Variants in DYSF observed in about 807,000 individuals in gnomAD.
DYSF encodes the protein dysferlin.
In DYSF, 212 loss-of-function variants were observed where a neutral mutation model predicts 274.9. The ratio of observed to expected loss-of-function variants is 0.77; its 90% confidence interval spans 0.69 to 0.86. The LOEUF is 0.86. Ranked by LOEUF, DYSF falls within the 40% of genes least tolerant of loss-of-function variation. The probability of loss-of-function intolerance (pLI) is 0.00; values close to 1 mark genes in which losing one functional copy is unlikely to be tolerated. For missense variants in DYSF, 2,666 were observed against 2,783.2 expected (o/e 0.96, Z 0.95); for synonymous variants, 1,091 against 1,078.7 (o/e 1.01, Z -0.22).
chr2:71,679,448 C>T (rs2095268898), intron 53 of DYSF, among the ~76,000 whole-genome samples: 1 of 152,008 alleles, frequency 6.6e-6, no homozygotes, highest in East Asian at 1.9e-4. Flanking sequence ...GGCTCACATC[C>T]CAGGGGAAGC....
In DYSF at chr2:71,651,252, G is replaced by T. The variant is rs564955452; in HGVS notation, c.4627-4910G>T. Among the ~76,000 whole-genome samples the T allele has an allele frequency of 5.4e-4, 82 of 152,120 alleles. 2 individuals are homozygous for T. In the South Asian group the frequency reaches 0.017, roughly 32 times the overall value. ...TGAATTGAAAAAAATCAAATAATTG[G>T]CACTTTGATTGGAATGAATCAACTA... On this transcript the variant is annotated intron_variant, in intron 42 of 55. Transcript: ENST00000410020.
upstream of DYSF, among the ~76,000 whole-genome samples, chr2:71,464,686 G>A (rs186956243): frequency 8.1e-4 from 123 of 152,292 alleles, no homozygotes; most frequent in African/African-American, 2.8e-3. Context: ...GGGCTTTCAA[G>A]GTCACGTAAG....
At chr2:71,646,939 G>T (rs925321218) in intron 42 of DYSF, among the ~76,000 whole-genome samples, 2 of 152,098 alleles carry the variant, frequency 1.3e-5, no homozygotes, top group Non-Finnish European at 2.9e-5. Flanking sequence ...AGAATTTAAA[G>T]TGAAGAGCAA....
At chr2:71,510,076 T>C (rs531779472) in intron 4 of DYSF, among the ~76,000 whole-genome samples, 1 of 152,306 alleles carries the variant, frequency 6.6e-6, no homozygotes, top group East Asian at 1.9e-4. Flanking sequence ...CCCAGGCTCT[T>C]TTGATGTGTT....
chr2:71,568,786 C>A (rs569751834), intron 26 of DYSF, among the ~76,000 whole-genome samples: 5 of 152,080 alleles, frequency 3.3e-5, no homozygotes, highest in Non-Finnish European at 7.4e-5. Flanking sequence ...GTCTTGAACT[C>A]CTGGGCTCAA....
chr2:71,612,844 G>A (rs551234007), intron 39 of DYSF, 38 bp downstream of exon 39: 1 of 1,592,432 alleles, frequency 6.3e-7, no homozygotes, highest in African/African-American at 1.3e-5. Context: ...TCAGGGAAGG[G>A]GGAGCCTCAG....
chr2:71,587,670 G>C (rs2093117207), intron 30 of DYSF, among the ~76,000 whole-genome samples: 1 of 152,206 alleles, frequency 6.6e-6, no homozygotes, highest in Non-Finnish European at 1.5e-5. Context: ...TTTATAAAGT[G>C]ATTGATTCAG....
At chr2:71,671,030 C>T (rs773533301) in intron 51 of DYSF, among the ~76,000 whole-genome samples, 18 of 152,184 alleles carry the variant, frequency 1.2e-4, no homozygotes, top group Non-Finnish European at 1.9e-4. Context: ...GGATATATGA[C>T]GCGTTCCAGT....
rs1222633369 is a variant in DYSF, at chr2:71,610,772, C to T, written c.3958-473C>T. ...GGTGTCTAGGGGTGGGGAAGAAATACCAGGACAGATGATAACCCGGAAGGG... is the reference window on the plus strand; with the variant it reads ...GGTGTCTAGGGGTGGGGAAGAAATATCAGGACAGATGATAACCCGGAAGGG... On this transcript the variant is annotated intron_variant, in intron 36 of 55. Transcript: ENST00000410020. The T allele has an allele frequency of 3.3e-5, 8 of 245,814 alleles. No homozygotes were observed. In the East Asian group the frequency reaches 6.9e-4, roughly 21 times the overall value. The allele number at this position is 245,814 out of a possible 1,614,324, so 15.2% of individuals were successfully genotyped here. A position where few individuals can be genotyped will look rare whatever the true frequency, so the allele number is the denominator to read the frequency against.
rs537743902 is a variant in DYSF, at chr2:71,500,788, C to T, written c.240-2426C>T. Among the ~76,000 whole-genome samples the T allele has an allele frequency of 4.6e-5, 7 of 152,156 alleles. No homozygotes were observed. The South Asian group carries it at 1.5e-3, about 32-fold the overall frequency. On this transcript the variant is annotated intron_variant, in intron 3 of 55. Transcript: ENST00000410020. ...TCCATGAGGCCTCCTTGGGCCCTGC[C>T]TCCCAGTCCCCAAGGAGAGAAGCCT...
At chr2:71,651,684 A>G (rs1463411673) in intron 42 of DYSF, among the ~76,000 whole-genome samples, 1 of 152,208 alleles carries the variant, frequency 6.6e-6, no homozygotes, top group Admixed American at 6.5e-5. Context: ...TTACCTTACC[A>G]TCAAAATCTG....
rs145764807 is a variant in DYSF at position 71,631,572 on chromosome 2, C to T, written c.4527+10963C>T. Among the ~76,000 whole-genome samples the T allele has an allele frequency of 2.6e-5, 4 of 152,258 alleles. No homozygotes were observed. The East Asian group carries it at 7.7e-4, about 29-fold the overall frequency. ...CATTCTTTCTCTCATTTTCTCAGAG[C>T]AAATACAAATCGCCCATCAAATGAC... is the stretch of plus-strand genomic sequence containing the variant. On this transcript the variant is annotated intron_variant, in intron 41 of 55. Transcript: ENST00000410020.
intron 29 of DYSF, among the ~76,000 whole-genome samples, chr2:71,571,108 G>A (rs1207045206): frequency 5.0e-5 from 6 of 121,210 alleles, no homozygotes; most frequent in Non-Finnish European, 6.5e-5. Flanking sequence ...ATCACACCCA[G>A]CACACAGATC....
intron 12 of DYSF, among the ~76,000 whole-genome samples, chr2:71,525,117 G>A (rs918010470): frequency 1.3e-5 from 2 of 152,156 alleles, no homozygotes; most frequent in Non-Finnish European, 2.9e-5. Flanking sequence ...CATCTGGGAA[G>A]CTTTACAAGC....
intron 1 of DYSF, among the ~76,000 whole-genome samples, chr2:71,471,649 T>C (rs890337954): frequency 7.2e-5 from 11 of 152,198 alleles, no homozygotes; most frequent in East Asian, 1.9e-4. Flanking sequence ...ATTTTTTTTT[T>C]CCCAAATGTT....
intron 41 of DYSF, among the ~76,000 whole-genome samples, chr2:71,637,907 G>A (rs2094430320): frequency 6.6e-6 from 1 of 152,144 alleles, no homozygotes; most frequent in Non-Finnish European, 1.5e-5. Context: ...GAAAATGGGG[G>A]CAAAAGTCAC....
intron 50 of DYSF, 61 bp downstream of exon 50, chr2:71,669,268 T>A (rs978713378): frequency 1.4e-6 from 2 of 1,383,456 alleles, no homozygotes; most frequent in African/African-American, 2.8e-5. Flanking sequence ...TCCCTCTGGG[T>A]TGTGCACAGC....
rs114846859 is a variant in DYSF, at chr2:71,521,585, G to A, written c.1149+681G>A. 1.9e-3 allele frequency among the ~76,000 whole-genome samples: 292 copies of A among 152,180 alleles called. 2 individuals are homozygous for A. Among genetic ancestry groups the A allele is most frequent in the African/African-American group, 6.6e-3 (273 of 41,518 alleles). On this transcript the variant is annotated intron_variant, in intron 12 of 55. Transcript: ENST00000410020. ...AGGAGTGCTGAAGGTCAGGGGTGAG[G>A]TGAAGGTCAGGGGTGAGGTACCTGA...
chr2:71,562,019 C>T (rs1244444492), intron 23 of DYSF, 75 bp downstream of exon 23: 26 of 1,550,406 alleles, frequency 1.7e-5, no homozygotes, highest in East Asian at 7.2e-5. Context: ...AGGGACAAGG[C>T]GAATGTCTGG....
Sources: allele counts gnomAD v4.1 joint callset (sites outside exome capture counted in the v4.1 genomes callset), GRCh38; gene constraint gnomAD v4.1.1; transcripts MANE v1.5; gene names NCBI Gene and HGNC (gene_info 2026-07-23, HGNC 2026-07-21).